WDFY4: variants seen among roughly 807,000 people sequenced by gnomAD.
WDFY4 encodes the protein WDFY family member 4, also known as WD repeat- and FYVE domain-containing protein 4.
In WDFY4, 169 loss-of-function variants were observed where a neutral mutation model predicts 351.9. The observed-to-expected ratio is 0.48, with a 90% CI of 0.42 to 0.55. The LOEUF is 0.55. Among genes scored for constraint, WDFY4 ranks in the 20% least tolerant of loss-of-function variants. The pLI, the probability that WDFY4 is intolerant of heterozygous loss-of-function variation, is 0.00. For missense variants in WDFY4, 3,803 were observed against 3,935.6 expected, an observed-to-expected ratio of 0.97 and a Z score of 0.90; for synonymous variants, 1,622 against 1,574.6, an observed-to-expected ratio of 1.03 and a Z score of -0.71.
intron 12 of WDFY4, among the ~76,000 whole-genome samples, chr10:48,750,188 G>A (rs1437742530): frequency 1.3e-5 from 2 of 152,212 alleles, no homozygotes; most frequent in Non-Finnish European, 2.9e-5. Flanking sequence ...TAATTGTTGT[G>A]CCAGACCATT....
At position 48,881,412 on chromosome 10, in the gene WDFY4, C is replaced by T. The variant is rs1409712910; in HGVS notation, c.7167+4213C>T. Among the ~76,000 whole-genome samples, 5 of 152,104 alleles carry T rather than the reference C, an allele frequency of 3.3e-5. No individual in the cohort carries two copies. In the East Asian group the frequency reaches 5.8e-4, roughly 18 times the overall value. On this transcript the variant is annotated intron_variant, in intron 43 of 61. Transcript: ENST00000325239. ...GGTCTCCATGGGTCTGGTTGTCCTG[C>T]CGAGATGGTGGAGGATGAGACAGAG...
intron 57 of WDFY4, among the ~76,000 whole-genome samples, chr10:48,971,172 T>C (rs1174093367): frequency 6.6e-6 from 1 of 152,156 alleles, no homozygotes; most frequent in Non-Finnish European, 1.5e-5. Context: ...TGCATCTATT[T>C]TTTAGTTAGC....
At chr10:48,744,303 A>G (rs1032099659) in intron 12 of WDFY4, among the ~76,000 whole-genome samples, 1 of 152,200 alleles carries the variant, frequency 6.6e-6, no homozygotes, top group Non-Finnish European at 1.5e-5. Context: ...CTTCTGAAAG[A>G]CACTGCATTT....
At chr10:48,810,897 C>G (rs573021889) in intron 29 of WDFY4, among the ~76,000 whole-genome samples, 162 bp downstream of exon 29, 31 of 152,300 alleles carry the variant, frequency 2.0e-4, no homozygotes, top group Admixed American at 5.2e-4. Flanking sequence ...GCCCAGCCCC[C>G]CTGACATCCT....
intron 1 of WDFY4, among the ~76,000 whole-genome samples, chr10:48,691,364 G>A (rs1230058222): frequency 6.6e-6 from 1 of 152,110 alleles, no homozygotes; most frequent in Admixed American, 6.5e-5. Context: ...CCCCGAAGTG[G>A]GCACCACTCC....
In WDFY4 at chr10:48,724,562, G is replaced by A. The variant is rs181294421; in HGVS notation, c.591+995G>A. ...TGTGTGGCTTTTAGGTGCCCTGAAG[G>A]GAAGTAGTGCAGGGTCTGTCTTCGA... On this transcript the variant is annotated intron_variant, in intron 5 of 61. Coordinates refer to ENST00000325239, the MANE Select transcript of WDFY4 (RefSeq NM_001394531.1). Among the ~76,000 whole-genome samples the A allele has an allele frequency of 1.3e-4, 20 of 152,222 alleles. No homozygotes were observed. The East Asian group carries it at 3.7e-3, about 28-fold the overall frequency.
At chr10:48,933,242 C>T (rs57023998) in intron 47 of WDFY4, among the ~76,000 whole-genome samples, 1,577 of 152,332 alleles carry the variant, frequency 0.01, 28 homozygotes, top group African/African-American at 0.036. Context: ...GGGCCTAGCA[C>T]TTCCCATATC....
At chr10:48,897,955 G>A (rs1837169956) in intron 45 of WDFY4, among the ~76,000 whole-genome samples, 1 of 152,172 alleles carries the variant, frequency 6.6e-6, no homozygotes, top group Non-Finnish European at 1.5e-5. Context: ...CTTCTGCCCT[G>A]TCCTGCCCAC....
chr10:48,937,638 A>C (rs1840467950), intron 47 of WDFY4, among the ~76,000 whole-genome samples: 1 of 152,248 alleles, frequency 6.6e-6, no homozygotes, highest in African/African-American at 2.4e-5. Context: ...AACAGGTTAA[A>C]CAATTAAGTG....
intron 47 of WDFY4, among the ~76,000 whole-genome samples, chr10:48,932,775 G>A (rs1022933496): frequency 6.6e-6 from 1 of 152,174 alleles, no homozygotes; most frequent in South Asian, 2.1e-4. Flanking sequence ...GCATATCGGT[G>A]GGGACGTTGC....
intron 13 of WDFY4, among the ~76,000 whole-genome samples, chr10:48,766,757 T>G (rs1368026390): frequency 6.6e-6 from 1 of 152,232 alleles, no homozygotes; most frequent in Non-Finnish European, 1.5e-5. Context: ...GTAATGTTCC[T>G]TTTCCATGAC....
At chr10:48,958,496 C>T (rs73298923) in intron 52 of WDFY4, among the ~76,000 whole-genome samples, 6,410 of 152,168 alleles carry the variant, frequency 0.042, 435 homozygotes, top group African/African-American at 0.14. Context: ...ATGATGGGCT[C>T]AGCTGCAGAA....
At chr10:48,755,800 T>C (rs186142253) in intron 12 of WDFY4, among the ~76,000 whole-genome samples, 2 of 152,266 alleles carry the variant, frequency 1.3e-5, no homozygotes. Context: ...TTCTTCCTTC[T>C]CAAATTTGCT....
At chr10:48,782,869 A>G (rs1010563268) in intron 19 of WDFY4, among the ~76,000 whole-genome samples, 1 of 152,142 alleles carries the variant, frequency 6.6e-6, no homozygotes, top group African/African-American at 2.4e-5. Flanking sequence ...AGGCAACCTG[A>G]ATGGGGCAGT....
chr10:48,887,660 T>C (rs1009097333), intron 43 of WDFY4, among the ~76,000 whole-genome samples: 2 of 151,868 alleles, frequency 1.3e-5, no homozygotes. Flanking sequence ...GTGCCTGTAG[T>C]CCCAGCTGCT....
chr10:48,827,351 A>G (rs771814326), intron 36 of WDFY4, among the ~76,000 whole-genome samples: 22 of 151,870 alleles, frequency 1.4e-4, no homozygotes, highest in Non-Finnish European at 3.1e-4. Context: ...CATACAATGT[A>G]TGACATAAAA....
At chr10:48,885,564 A>G (rs1002948944) in intron 43 of WDFY4, among the ~76,000 whole-genome samples, 5 of 152,226 alleles carry the variant, frequency 3.3e-5, no homozygotes, top group Admixed American at 1.3e-4. Flanking sequence ...TGGAAGTGAC[A>G]CATGCAGGCA....
At chr10:48,778,299 C>T (rs1176017880) in intron 17 of WDFY4, among the ~76,000 whole-genome samples, 1 of 152,240 alleles carries the variant, frequency 6.6e-6, no homozygotes, top group South Asian at 2.1e-4. Context: ...GGGCACATGG[C>T]ATTCCTAGAT....
At position 48,790,718 on chromosome 10, in the gene WDFY4, G is replaced by T. The variant is rs1262634231; in HGVS notation, c.4067-9G>T. The T allele has an allele frequency of 9.0e-6, 14 of 1,550,474 alleles. No homozygotes were observed. Among genetic ancestry groups the T allele is most frequent in the Non-Finnish European group, 7.0e-6 (8 of 1,146,238 alleles). On this transcript the variant is annotated splice_polypyrimidine_tract_variant and intron_variant, in intron 22 of 61. Transcript: ENST00000325239. ...CATGTTGATGAAATGCCCACTTTAT[G>T]CCACACAGGGGTGAGGGTATTCCAC...
Sources: gnomAD v4.1 joint callset for allele counts (sites outside exome capture counted in the v4.1 genomes callset) on GRCh38, gnomAD v4.1.1 for gene constraint, MANE v1.5 for transcripts, NCBI Gene and HGNC (gene_info 2026-07-23, HGNC 2026-07-21) for gene names.